The following ERICH1 variants were observed in gnomAD, a reference collection of about 807,000 sequenced individuals.
The protein encoded by ERICH1 is glutamate-rich protein 1.
A neutral mutation model predicts 39.6 loss-of-function variants in ERICH1; 56 were observed. The observed-to-expected ratio is 1.41, with a 90% CI of 1.14 to 1.77. The LOEUF (loss-of-function observed/expected upper bound fraction) is 1.77, where lower values mean the gene tolerates loss of function less well. ERICH1 is among the 40% of genes most tolerant of loss of function. The pLI is 0.00. For synonymous variants in ERICH1, 313 were observed against 223.6 expected (o/e 1.40, Z -3.57); for missense variants, 826 against 575.4 (o/e 1.44, Z -4.45).
chr8:622,569 A>G (rs1241813637), intron 3 of ERICH1, among the ~76,000 whole-genome samples: 3 of 152,162 alleles, frequency 2.0e-5, no homozygotes, highest in Non-Finnish European at 4.4e-5. Flanking sequence ...CTGTTTATAA[A>G]GCACCCAGTC....
chr8:618,572 C>A (rs188685620), intron 3 of ERICH1, among the ~76,000 whole-genome samples: 1 of 152,242 alleles, frequency 6.6e-6, no homozygotes, highest in Non-Finnish European at 1.5e-5. Flanking sequence ...TCCCACCCCA[C>A]TGTCTTTCAG....
At chr8:686,115 A>C (rs989230977) in intron 3 of ERICH1, among the ~76,000 whole-genome samples, 4 of 152,106 alleles carry the variant, frequency 2.6e-5, no homozygotes, top group Non-Finnish European at 5.9e-5. Context: ...AGATTGCGCC[A>C]CTGCACTCCA....
At chr8:666,078 T>G (rs755040723) in intron 5 of ERICH1, 1 of 152,232 alleles carries the variant, frequency 6.6e-6, no homozygotes, top group Non-Finnish European at 1.5e-5. Flanking sequence ...AAGGAGTCCT[T>G]TCTTAGAGAA....
Position 664,641 on chromosome 8 carries a change from A to C in ERICH1, c.1294T>G (p.Trp432Gly). The C allele has an allele frequency of 1.9e-6, 3 of 1,613,130 alleles. No homozygotes were observed. The highest frequency in any genetic ancestry group is 2.2e-5 in the South Asian group (2 of 90,892). The stretch of plus-strand genomic sequence containing the variant: ...TTCTCAGGAAGGATATGTGTGATCC[A>C]GTAACTAAAGAAAGCTGAGATTACT... ...ARVISAFFSY[W>G]ITHILPEKSS... The change falls in exon 6 of 6, where the codon TGG (tryptophan) becomes GGG (glycine). Residue 432 changes from tryptophan (W) to glycine (G), a missense_variant. Physicochemically the swap from Trp to Gly is radical, Grantham distance 184. Coordinates refer to ENST00000262109, the MANE Select transcript of ERICH1 (RefSeq NM_207332.3).
intron 2 of ERICH1, among the ~76,000 whole-genome samples, chr8:699,802 C>T (rs113697232): frequency 2.3e-4 from 12 of 52,578 alleles, no homozygotes; most frequent in African/African-American, 6.0e-4. Flanking sequence ...GACCCGCACA[C>T]GCGCACAGAT....
At chr8:699,130 C>A (rs766669850) in intron 2 of ERICH1, among the ~76,000 whole-genome samples, 44 of 152,102 alleles carry the variant, frequency 2.9e-4, no homozygotes, top group Non-Finnish European at 4.9e-4. Context: ...ACCCCCCAAA[C>A]CCACTAAATA....
chr8:657,571 T>C (rs1237160082), intron 3 of ERICH1, among the ~76,000 whole-genome samples: 1 of 150,652 alleles, frequency 6.6e-6, no homozygotes, highest in East Asian at 1.9e-4. Flanking sequence ...ACTGGCGCCA[T>C]TGTCTCCCTG....
intron 1 of ERICH1, among the ~76,000 whole-genome samples, chr8:724,433 G>A (rs76697776): frequency 0.012 from 1,831 of 152,268 alleles, 41 homozygotes; most frequent in African/African-American, 0.042. Flanking sequence ...ACCTTCACGG[G>A]CGGCTGCAAT....
At chr8:696,454 A>C (rs1253334723) in intron 2 of ERICH1, among the ~76,000 whole-genome samples, 4 of 2,534 alleles carry the variant, frequency 1.6e-3, no homozygotes, top group Admixed American at 4.6e-3. Flanking sequence ...CTCACCCTCC[A>C]CTCCTCTCCT....
intron 3 of ERICH1, among the ~76,000 whole-genome samples, chr8:680,497 C>T (rs1805863816): frequency 6.8e-6 from 1 of 146,160 alleles, no homozygotes; most frequent in Non-Finnish European, 1.5e-5. Context: ...CACGGAAAGT[C>T]CAAGAGAATC....
intron 2 of ERICH1, among the ~76,000 whole-genome samples, chr8:694,878 C>G (rs1252886826): frequency 6.6e-6 from 1 of 152,134 alleles, no homozygotes; most frequent in Non-Finnish European, 1.5e-5. Flanking sequence ...TCATCTCCTC[C>G]GCCGGACGCA....
At chr8:641,562 A>G (rs1444358122) in intron 3 of ERICH1, among the ~76,000 whole-genome samples, 1 of 152,216 alleles carries the variant, frequency 6.6e-6, no homozygotes, top group East Asian at 1.9e-4. Flanking sequence ...TCCACATCGA[A>G]AGACCTTTTC....
intron 3 of ERICH1, among the ~76,000 whole-genome samples, chr8:688,322 C>T (rs1239486874): frequency 8.7e-6 from 1 of 115,362 alleles, no homozygotes; most frequent in African/African-American, 3.3e-5. Context: ...CGGGCCACCC[C>T]ACCTCGGCGC....
intron 2 of ERICH1, among the ~76,000 whole-genome samples, chr8:714,008 C>CCGGCATCTCTCGGTGGGATGTG (rs1815371712): frequency 7.1e-6 from 1 of 141,086 alleles, no homozygotes; most frequent in African/African-American, 2.8e-5. Flanking sequence ...GCGGCCTCTT[C>CCGGCATCTCTCGGTGGGATGTG]CGGCATCTCT....
intron 3 of ERICH1, among the ~76,000 whole-genome samples, chr8:630,978 C>G (rs1163383459): frequency 6.7e-6 from 1 of 149,434 alleles, no homozygotes; most frequent in Non-Finnish European, 1.5e-5. Flanking sequence ...ATGGACAGAG[C>G]TGACTCACAA....
intron 2 of ERICH1, among the ~76,000 whole-genome samples, chr8:704,772 G>C (rs80114371): frequency 0.032 from 4,930 of 152,148 alleles, 91 homozygotes; most frequent in African/African-American, 0.045. Flanking sequence ...GAAAGAAAAA[G>C]AAGAAGAAAA....
At chr8:692,225 G>A (rs1290649646) in intron 3 of ERICH1, among the ~76,000 whole-genome samples, 2 of 152,088 alleles carry the variant, frequency 1.3e-5, no homozygotes, top group South Asian at 2.1e-4. Flanking sequence ...TAACAAACAT[G>A]GGCTATAGTC....
chr8:696,643 T>TC (rs1267336798), intron 2 of ERICH1, among the ~76,000 whole-genome samples: 4 of 21,662 alleles, frequency 1.8e-4, no homozygotes, highest in Admixed American at 9.5e-4. Flanking sequence ...CACCCTCCAC[T>TC]CCTCTCCTTC....
In ERICH1 at chr8:731,180, C is replaced by A; in HGVS notation, c.-19G>T. On this transcript the variant is annotated 5_prime_UTR_variant, in exon 1 of 6. Coordinates refer to ENST00000262109, the MANE Select transcript of ERICH1 (RefSeq NM_207332.3). ...CCGCCATGCGGGACCCTGCCGCGGACCTCAGACCACGGCGCGCGGTCCTGA... is the reference window on the plus strand; with the variant it reads ...CCGCCATGCGGGACCCTGCCGCGGAACTCAGACCACGGCGCGCGGTCCTGA... 1 of 1,500,410 alleles carries A rather than the reference C, an allele frequency of 6.7e-7. No individual in the cohort carries two copies. Among genetic ancestry groups the A allele is most frequent in the Admixed American group, 2.1e-5 (1 of 47,412 alleles). 92.9% of individuals were successfully genotyped at this position (1,500,410 alleles called of 1,614,324 possible). A position where few individuals can be genotyped will look rare whatever the true frequency, so the allele number is the denominator to read the frequency against.
Sources: gnomAD v4.1 joint callset for allele counts (sites outside exome capture counted in the v4.1 genomes callset) on GRCh38, gnomAD v4.1.1 for gene constraint, MANE v1.5 for transcripts, NCBI Gene and HGNC (gene_info 2026-07-23, HGNC 2026-07-21) for gene names.